CFAP91: variants seen among roughly 807,000 people sequenced by gnomAD.
CFAP91 encodes cilia- and flagella-associated protein 91.
In CFAP91, 85 loss-of-function variants were observed where a neutral mutation model predicts 95.9. The observed-to-expected ratio is 0.89, with a 90% CI of 0.74 to 1.06. CFAP91 has a LOEUF of 1.06. CFAP91 is among the 50% of genes least tolerant of loss of function. The pLI is 0.00. For synonymous variants in CFAP91, 335 were observed against 327.5 expected (o/e 1.02, Z -0.25); for missense variants, 962 against 943.4 (o/e 1.02, Z -0.26).
chr3:119,709,427 G>A (rs774289773), intron 4 of CFAP91, among the ~76,000 whole-genome samples: 1 of 152,058 alleles, frequency 6.6e-6, no homozygotes, highest in African/African-American at 2.4e-5. Flanking sequence ...TAACTTTTAG[G>A]GGGAGGCTTC....
intron 16 of CFAP91, among the ~76,000 whole-genome samples, chr3:119,749,756 A>T (rs986261310): frequency 6.6e-6 from 1 of 152,202 alleles, no homozygotes; most frequent in Non-Finnish European, 1.5e-5. Flanking sequence ...TATGTATTAT[A>T]TATACACTCT....
chr3:119,731,196 C>G (rs1398195452), intron 8 of CFAP91, among the ~76,000 whole-genome samples: 1 of 152,158 alleles, frequency 6.6e-6, no homozygotes, highest in Admixed American at 6.5e-5. Flanking sequence ...GTGATAGCAC[C>G]ACTGCACTCC....
chr3:119,749,563 C>T lies in CFAP91; in HGVS notation c.2144-1374C>T, dbSNP rs2054286496. On this transcript the variant is annotated intron_variant, in intron 16 of 17. Transcript: ENST00000273390. The stretch of plus-strand genomic sequence containing the variant: ...TTTACTAGTTTGTGATCCCCTCTCC[C>T]ATGTTGGGAGTCTGAGTTGAGGATT... Among the ~76,000 whole-genome samples the T allele has an allele frequency of 3.3e-5, 5 of 152,092 alleles. No homozygotes were observed. In the South Asian group the frequency reaches 1.0e-3, roughly 32 times the overall value.
At chr3:119,734,721 G>A (rs1159591531) in intron 10 of CFAP91, among the ~76,000 whole-genome samples, 1 of 152,128 alleles carries the variant, frequency 6.6e-6, no homozygotes, top group African/African-American at 2.4e-5. Context: ...TGAGTGAAAT[G>A]ACCTTCTTGT....
chr3:119,703,332 A>G, intron 1 of CFAP91, 110 bp downstream of exon 1: 1 of 1,503,354 alleles, frequency 6.7e-7, no homozygotes, highest in Non-Finnish European at 9.0e-7. Flanking sequence ...GACCCTCTGG[A>G]CTGACCTCTT....
At chr3:119,715,867 G>T in intron 6 of CFAP91, 124 bp downstream of exon 6, 3 of 774,718 alleles carry the variant, frequency 3.9e-6, no homozygotes, top group Non-Finnish European at 6.6e-6. Flanking sequence ...TCTTAGTACA[G>T]CAACTTCATA....
At chr3:119,722,401 G>A (rs921016687) in intron 6 of CFAP91, among the ~76,000 whole-genome samples, 9 of 152,204 alleles carry the variant, frequency 5.9e-5, no homozygotes, top group Non-Finnish European at 1.3e-4. Context: ...GGAGGTTTCA[G>A]TGAGCCAAGA....
chr3:119,756,792 A>G (rs2054439478), intron 17 of CFAP91, among the ~76,000 whole-genome samples: 1 of 152,204 alleles, frequency 6.6e-6, no homozygotes, highest in Non-Finnish European at 1.5e-5. Context: ...ACAGAAGAAA[A>G]TGGGACTAAA....
chr3:119,707,730 G>GATATATAT (rs1425003167), intron 3 of CFAP91, among the ~76,000 whole-genome samples, 169 bp downstream of exon 3: 1 of 116,750 alleles, frequency 8.6e-6, no homozygotes, highest in Non-Finnish European at 1.8e-5. Flanking sequence ...TTGTATATAT[G>GATATATAT]AGATATATAT....
intron 11 of CFAP91, among the ~76,000 whole-genome samples, chr3:119,738,330 G>GTTTTTTTTTTTTTTTTT (rs1559761130): frequency 8.4e-5 from 2 of 23,702 alleles, no homozygotes; most frequent in Non-Finnish European, 2.4e-4. Flanking sequence ...TTGACATATT[G>GTTTTTTTTTTTTTTTTT]TCTTTTTTTT....
Position 119,715,286 on chromosome 3 carries a change from C to T in CFAP91, c.501-276C>T. The T allele has an allele frequency of 7.4e-6, 4 of 537,712 alleles. No homozygotes were observed. The East Asian group carries it at 1.5e-4, about 20-fold the overall frequency. The allele number at this position is 537,712 out of a possible 1,614,324, so 33.3% of individuals were successfully genotyped here. A position where few individuals can be genotyped will look rare whatever the true frequency, so the allele number is the denominator to read the frequency against. ...ATTCTAGAATAGCTCTGTTCTACAACCTTGCCCAGTGACACACATATAAAT... is the reference window on the plus strand; with the variant it reads ...ATTCTAGAATAGCTCTGTTCTACAATCTTGCCCAGTGACACACATATAAAT... On this transcript the variant is annotated intron_variant, in intron 5 of 17. Coordinates refer to ENST00000273390, the MANE Select transcript of CFAP91 (RefSeq NM_033364.4).
intron 17 of CFAP91, among the ~76,000 whole-genome samples, chr3:119,763,008 A>C (rs986030501): frequency 2.0e-4 from 31 of 152,268 alleles, no homozygotes; most frequent in Admixed American, 1.4e-3. Flanking sequence ...ACAGCAAAAA[A>C]CAATAAACAG....
At chr3:119,720,839 T>A (rs1025283729) in intron 6 of CFAP91, among the ~76,000 whole-genome samples, 1 of 152,250 alleles carries the variant, frequency 6.6e-6, no homozygotes, top group Non-Finnish European at 1.5e-5. Flanking sequence ...TCCTCCCATA[T>A]ATTTAATCTC....
intron 1 of CFAP91, chr3:119,706,570 A>C: frequency 4.3e-6 from 2 of 468,832 alleles, no homozygotes; most frequent in Non-Finnish European, 7.7e-6. Flanking sequence ...TATGAATTCC[A>C]CTTCCGTAAG....
intron 17 of CFAP91, among the ~76,000 whole-genome samples, chr3:119,761,405 T>A (rs1351174788): frequency 6.6e-6 from 1 of 151,812 alleles, no homozygotes; most frequent in Non-Finnish European, 1.5e-5. Flanking sequence ...CAGGACCCAA[T>A]GGCTTCACTG....
intron 14 of CFAP91, among the ~76,000 whole-genome samples, chr3:119,746,280 C>T (rs972863101): frequency 2.6e-5 from 4 of 152,224 alleles, no homozygotes; most frequent in Admixed American, 2.0e-4. Flanking sequence ...TAATTCATTA[C>T]ACTGTACATT....
chr3:119,737,771 G>T (rs1206351382), intron 11 of CFAP91, among the ~76,000 whole-genome samples: 3 of 152,212 alleles, frequency 2.0e-5, no homozygotes, highest in Non-Finnish European at 4.4e-5. Context: ...AGAAAAAGAA[G>T]ATTGAGTGAT....
intron 7 of CFAP91, 110 bp downstream of exon 7, chr3:119,726,458 A>G: frequency 1.9e-6 from 2 of 1,035,072 alleles, no homozygotes; most frequent in Non-Finnish European, 2.7e-6. Flanking sequence ...GCAATCCTCA[A>G]CCTATAGAGA....
At chr3:119,752,815 A>G (rs1185499954) in intron 17 of CFAP91, among the ~76,000 whole-genome samples, 3 of 152,208 alleles carry the variant, frequency 2.0e-5, no homozygotes, top group South Asian at 2.1e-4. Flanking sequence ...TAAAGCATAT[A>G]TGATAATTAT....
Sources: allele counts gnomAD v4.1 joint callset (sites outside exome capture counted in the v4.1 genomes callset), GRCh38; gene constraint gnomAD v4.1.1; transcripts MANE v1.5; gene names NCBI Gene and HGNC (gene_info 2026-07-23, HGNC 2026-07-21).